EIF2AK4: variants seen among roughly 807,000 people sequenced by gnomAD.
The protein encoded by EIF2AK4 is eIF-2-alpha kinase GCN2.
EIF2AK4 carries 139 observed loss-of-function variants against 211.1 expected under a neutral mutation model. The ratio of observed to expected loss-of-function variants is 0.66; its 90% CI spans 0.57 to 0.76. The LOEUF (loss-of-function observed/expected upper bound fraction) is 0.76, where lower values mean the gene tolerates loss of function less well. Ranked by LOEUF, EIF2AK4 falls within the 30% of genes least tolerant of loss-of-function variation. The pLI is 0.00. For missense variants in EIF2AK4, 1,664 were observed against 2,043.8 expected (o/e 0.81, Z 3.58); for synonymous variants, 710 against 751.3 (o/e 0.94, Z 0.90).
intron 1 of EIF2AK4, among the ~76,000 whole-genome samples, chr15:39,938,068 T>G (rs2140895280): frequency 6.6e-6 from 1 of 152,324 alleles, no homozygotes; most frequent in East Asian, 1.9e-4. Context: ...CCCAAGTCGT[T>G]TGTTAAGGAG....
intron 12 of EIF2AK4, chr15:39,977,780 C>A (rs1029506025): frequency 9.9e-6 from 2 of 201,872 alleles, no homozygotes; most frequent in East Asian, 2.2e-4. Flanking sequence ...AGAATCCACC[C>A]TGGATGTTTA....
chr15:39,970,883 A>G (rs909843321), intron 9 of EIF2AK4, among the ~76,000 whole-genome samples: 11 of 152,158 alleles, frequency 7.2e-5, no homozygotes, highest in African/African-American at 2.7e-4. Context: ...GTTTTATTAG[A>G]ATTTTTTTGC....
intron 3 of EIF2AK4, among the ~76,000 whole-genome samples, chr15:39,947,138 C>T (rs1358111768): frequency 1.3e-5 from 2 of 152,144 alleles, no homozygotes; most frequent in Admixed American, 1.3e-4. Context: ...CATGGGAAGG[C>T]ACTGTGCAAA....
intron 22 of EIF2AK4, 98 bp from the exon 23 acceptor site, chr15:40,003,095 G>A: frequency 6.6e-7 from 1 of 1,519,174 alleles, no homozygotes; most frequent in South Asian, 1.3e-5. Context: ...AATGGTCCCA[G>A]TAGCAATTAC....
At chr15:40,005,177 C>A (rs2035143765) in intron 23 of EIF2AK4, among the ~76,000 whole-genome samples, 1 of 152,188 alleles carries the variant, frequency 6.6e-6, no homozygotes. Context: ...GGAACTTAAC[C>A]ATCCACTGAT....
chr15:39,960,624 G>A (rs772226579), intron 6 of EIF2AK4, among the ~76,000 whole-genome samples: 18 of 152,096 alleles, frequency 1.2e-4, no homozygotes, highest in African/African-American at 3.1e-4. Context: ...AGGATGGGGC[G>A]GGTGGTGCAG....
intron 3 of EIF2AK4, among the ~76,000 whole-genome samples, chr15:39,948,362 C>G (rs986800935): frequency 4.6e-5 from 7 of 152,196 alleles, no homozygotes; most frequent in African/African-American, 1.7e-4. Context: ...GATCAGCACT[C>G]TTTACCTCTT....
intron 16 of EIF2AK4, 37 bp downstream of exon 16, chr15:39,990,414 G>A (rs2034927187): frequency 2.0e-6 from 3 of 1,530,942 alleles, no homozygotes; most frequent in Admixed American, 3.4e-5. Flanking sequence ...CCTAAAAACA[G>A]ACTCAGATGT....
intron 9 of EIF2AK4, among the ~76,000 whole-genome samples, chr15:39,970,411 G>A (rs751846521): frequency 2.0e-5 from 3 of 152,062 alleles, no homozygotes; most frequent in Non-Finnish European, 2.9e-5. Flanking sequence ...AAACCCAACA[G>A]GGCATATATA....
intron 38 of EIF2AK4, 21 bp downstream of exon 38, chr15:40,034,465 A>G: frequency 6.3e-7 from 1 of 1,582,226 alleles, no homozygotes; most frequent in Non-Finnish European, 8.7e-7. Context: ...ACTTGGGCAT[A>G]GCAGGGTTCA....
At chr15:39,977,054 C>T in intron 12 of EIF2AK4, 1 of 490,774 alleles carries the variant, frequency 2.0e-6, no homozygotes. Context: ...CAGCGAATGC[C>T]CCCCAACATT....
At chr15:39,995,756 G>C (rs1021878981) in intron 18 of EIF2AK4, among the ~76,000 whole-genome samples, 1 of 151,424 alleles carries the variant, frequency 6.6e-6, no homozygotes. Context: ...TCTATATTTA[G>C]GGTGTACAAT....
At chr15:40,001,329 T>TTA in intron 21 of EIF2AK4, 105 bp downstream of exon 21, 8 of 1,167,096 alleles carry the variant, frequency 6.9e-6, no homozygotes, top group South Asian at 1.4e-5. Context: ...AGTTCTTATG[T>TTA]GAGGTATTGG....
chr15:39,985,912 G>A, intron 14 of EIF2AK4, 24 bp downstream of exon 14: 2 of 1,606,932 alleles, frequency 1.2e-6, no homozygotes, highest in Non-Finnish European at 1.7e-6. Context: ...GTGTAGTTAG[G>A]TGACACAGCA....
chr15:39,993,201 C>T (rs987194416), intron 18 of EIF2AK4, among the ~76,000 whole-genome samples: 6 of 152,008 alleles, frequency 3.9e-5, no homozygotes, highest in Admixed American at 6.6e-5. Context: ...TCCGTCCGTC[C>T]GTCCATCCAT....
intron 31 of EIF2AK4, 189 bp from the exon 32 acceptor site, chr15:40,022,330 A>G: frequency 1.8e-6 from 1 of 543,790 alleles, no homozygotes; most frequent in Non-Finnish European, 3.2e-6. Context: ...GAAGGGAGGC[A>G]AGAGAGGCCT....
intron 11 of EIF2AK4, 90 bp downstream of exon 11, chr15:39,973,839 A>T: frequency 6.8e-7 from 1 of 1,469,160 alleles, no homozygotes; most frequent in African/African-American, 1.4e-5. Context: ...TTATTTTGGG[A>T]GTGGGGAGGG....
intron 23 of EIF2AK4, among the ~76,000 whole-genome samples, chr15:40,005,720 C>T (rs367907301): frequency 7.3e-5 from 11 of 151,472 alleles, no homozygotes; most frequent in Admixed American, 6.6e-4. Flanking sequence ...TGTAGGTGCC[C>T]GCTACCATGC....
intron 9 of EIF2AK4, among the ~76,000 whole-genome samples, chr15:39,971,632 C>T (rs2034626372): frequency 6.6e-6 from 1 of 151,756 alleles, no homozygotes. Context: ...CAAGAGGATG[C>T]TTTGAGTCTA....
Sources: allele counts gnomAD v4.1 joint callset (sites outside exome capture counted in the v4.1 genomes callset), GRCh38; gene constraint gnomAD v4.1.1; transcripts MANE v1.5; gene names NCBI Gene and HGNC (gene_info 2026-07-23, HGNC 2026-07-21).